TRIO: variants seen among roughly 807,000 people sequenced by gnomAD.
The protein encoded by TRIO is triple functional domain protein.
Under a neutral mutation model 351.9 loss-of-function variants are expected in TRIO, and 58 were observed. That is an observed-to-expected ratio of 0.16 (90% CI 0.13 to 0.21). The LOEUF (loss-of-function observed/expected upper bound fraction) is 0.21, where lower values mean the gene tolerates loss of function less well. Among genes scored for constraint, TRIO ranks in the 10% least tolerant of loss-of-function variants. TRIO has a pLI of 1.00. For missense variants in TRIO, 3,201 were observed against 4,027.8 expected, an observed-to-expected ratio of 0.79 and a Z score of 5.56; for synonymous variants, 1,758 against 1,595.7, an observed-to-expected ratio of 1.10 and a Z score of -2.42.
rs1757002443 is a variant in TRIO, at chr5:14,497,878, A to G, written c.8047+4A>G. ...AATCCCAACTACATTTATGACGGTG[A>G]GTTCTGTTCTTTTTCTTCTAGTCCT... On this transcript the variant is annotated splice_donor_region_variant and intron_variant, in intron 51 of 56. Transcript: ENST00000344204. This position sits in a 1 kb window ranked among gnomAD's most constrained non-coding sequence, Gnocchi z 4.4. The G allele has an allele frequency of 1.2e-6, 2 of 1,613,974 alleles. No homozygotes were observed. The highest frequency in any genetic ancestry group is 3.3e-5 in the Admixed American group (2 of 59,984).
chr5:14,270,262 A>G (rs1207877778), intron 1 of TRIO, among the ~76,000 whole-genome samples: 2 of 152,186 alleles, frequency 1.3e-5, no homozygotes, highest in Non-Finnish European at 2.9e-5. Flanking sequence ...CACATTAGCC[A>G]TTGACATTCC....
At chr5:14,259,817 A>G (rs932618957) in intron 1 of TRIO, among the ~76,000 whole-genome samples, 3 of 151,826 alleles carry the variant, frequency 2.0e-5, no homozygotes, top group African/African-American at 7.3e-5. Flanking sequence ...CATAATAGTA[A>G]CAGGATTGCT....
intron 28 of TRIO, among the ~76,000 whole-genome samples, chr5:14,396,039 C>A (rs981677967): frequency 7.2e-6 from 1 of 138,762 alleles, no homozygotes; most frequent in Admixed American, 7.0e-5. Flanking sequence ...GAGCAAGACT[C>A]CGCCTAAAAA....
At chr5:14,189,235 C>G (rs1240476452) in intron 1 of TRIO, among the ~76,000 whole-genome samples, 1 of 152,214 alleles carries the variant, frequency 6.6e-6, no homozygotes, top group Non-Finnish European at 1.5e-5. Flanking sequence ...TGGTACCTGA[C>G]TGTCCTGTAC....
intron 11 of TRIO, among the ~76,000 whole-genome samples, chr5:14,357,469 A>G (rs1312953364): frequency 6.6e-6 from 1 of 152,120 alleles, no homozygotes; most frequent in Non-Finnish European, 1.5e-5. Flanking sequence ...ACCTGGCCCA[A>G]AGTCATTCTT....
intron 55 of TRIO, among the ~76,000 whole-genome samples, chr5:14,505,037 G>C (rs1172882882): frequency 2.6e-5 from 4 of 152,266 alleles, no homozygotes; most frequent in Non-Finnish European, 5.9e-5. Context: ...AGTTGGATGG[G>C]AGGGTAAGAC....
At chr5:14,323,135 T>A (rs1740035327) in intron 9 of TRIO, among the ~76,000 whole-genome samples, 4 of 152,142 alleles carry the variant, frequency 2.6e-5, no homozygotes, top group Admixed American at 1.3e-4. Context: ...CCGTGGTGAA[T>A]GCTAGACCTC....
At chr5:14,238,882 GTTAA>G (rs1410943870) in intron 1 of TRIO, among the ~76,000 whole-genome samples, 1 of 152,184 alleles carries the variant, frequency 6.6e-6, no homozygotes, top group Admixed American at 6.5e-5. Flanking sequence ...AACTGTGCAG[GTTAA>G]TTAATCCTTG....
chr5:14,472,757 A>G, intron 39 of TRIO, 99 bp downstream of exon 39: 1 of 1,306,186 alleles, frequency 7.7e-7, no homozygotes, highest in African/African-American at 1.5e-5. Context: ...AAGCTTTAAA[A>G]ACATTTTTGA....
chr5:14,369,807 CAG>C (rs1744923015), intron 18 of TRIO, among the ~76,000 whole-genome samples: 3 of 152,220 alleles, frequency 2.0e-5, no homozygotes, highest in Admixed American at 6.5e-5. Context: ...ATGCTGGAGA[CAG>C]AGTGATTGAG....
chr5:14,269,695 G>C (rs1795878590), intron 1 of TRIO, among the ~76,000 whole-genome samples: 1 of 151,988 alleles, frequency 6.6e-6, no homozygotes. Context: ...CCCTGTAGCA[G>C]GGCTTGCCCG....
chr5:14,281,043 G>C (rs1735949941), intron 3 of TRIO, among the ~76,000 whole-genome samples: 1 of 152,124 alleles, frequency 6.6e-6, no homozygotes, highest in African/African-American at 2.4e-5. Flanking sequence ...TGGCCTGTGT[G>C]TATACTTGAG....
At chr5:14,199,209 A>AAC (rs1554031829) in intron 1 of TRIO, among the ~76,000 whole-genome samples, 6 of 151,260 alleles carry the variant, frequency 4.0e-5, no homozygotes, top group African/African-American at 1.5e-4. Flanking sequence ...AAAAAAAAAA[A>AAC]AAAAAAAAAA....
intron 1 of TRIO, among the ~76,000 whole-genome samples, chr5:14,196,699 C>T (rs903233189): frequency 6.6e-6 from 1 of 152,220 alleles, no homozygotes; most frequent in Non-Finnish European, 1.5e-5. Flanking sequence ...AGTTAGGTTA[C>T]TTGCCCAAAG....
chr5:14,387,644 T>A lies in TRIO; in HGVS notation c.3765+12T>A. 6.2e-7 allele frequency: 1 copy of A among 1,608,878 alleles called. No homozygotes were observed. On this transcript the variant is annotated intron_variant, in intron 22 of 56. Coordinates refer to ENST00000344204, the MANE Select transcript of TRIO (RefSeq NM_007118.4). Reference sequence around the variant, plus strand: ...ATTCCAACAAATCGGTAAATGGCCTTGTGCAAACTGAATAAATTATGGTCT... The same window carrying A: ...ATTCCAACAAATCGGTAAATGGCCTAGTGCAAACTGAATAAATTATGGTCT...
At position 14,369,356 on chromosome 5, in the gene TRIO, A is replaced by C; in HGVS notation, c.3067-18A>C. The stretch of plus-strand genomic sequence containing the variant: ...TGGCAGATGCCAAGTCTGAGCCTCA[A>C]ACTTTTCCTGCTCACAGGTCTGCAG... On this transcript the variant is annotated intron_variant, in intron 17 of 56. Coordinates refer to ENST00000344204, the MANE Select transcript of TRIO (RefSeq NM_007118.4). The C allele has an allele frequency of 6.3e-7, 1 of 1,590,682 alleles. No individual in the cohort carries two copies.
At chr5:14,291,346 C>G (rs527765323) in intron 5 of TRIO, 118 bp downstream of exon 5, 27 of 1,088,720 alleles carry the variant, frequency 2.5e-5, no homozygotes, top group Admixed American at 1.1e-4. Context: ...CGTGTGTGCT[C>G]TAAACCAGCG....
Position 14,368,865 on chromosome 5 carries a change from A to G in TRIO, c.3032A>G (p.Asn1011Ser), listed in dbSNP as rs1297562884. Reference protein sequence around the residue: ...LKMEDRLKLVNASVAFYKTSE... With the variant: ...LKMEDRLKLVSASVAFYKTSE... ...ATGGAAGATCGCCTCAAGCTCGTCA[A>G]CGCCTCTGTCGCTTTCTACAAAACC... Residue 1011 changes from asparagine (N) to serine (S), a missense_variant, in exon 17 of 57, where the codon AAC becomes AGC. Asn to Ser is a conservative substitution (Grantham distance 46). Transcript: ENST00000344204. The G allele has an allele frequency of 5.0e-6, 8 of 1,614,138 alleles. No homozygotes were observed. Among genetic ancestry groups the G allele is most frequent in the Admixed American group, 1.7e-5 (1 of 60,012 alleles).
chr5:14,169,736 CA>C (rs1211796655), intron 1 of TRIO, among the ~76,000 whole-genome samples: 11 of 152,122 alleles, frequency 7.2e-5, no homozygotes. Context: ...AAAAAAGGAT[CA>C]CCCACTGATG....
Sources: gnomAD v4.1 joint callset for allele counts (sites outside exome capture counted in the v4.1 genomes callset) on GRCh38, gnomAD v4.1.1 for gene constraint, Gnocchi (gnomAD v3.1) non-coding constraint, MANE v1.5 for transcripts, NCBI Gene and HGNC (gene_info 2026-07-23, HGNC 2026-07-21) for gene names.